FAM107B: variants seen among roughly 807,000 people sequenced by gnomAD.
FAM107B encodes protein FAM107B.
In FAM107B, 21 loss-of-function variants were observed where a neutral mutation model predicts 31.5. That is an observed-to-expected ratio of 0.67 (90% CI 0.47 to 0.96). FAM107B has a LOEUF of 0.96. Ranked by LOEUF, FAM107B falls within the 40% of genes least tolerant of loss-of-function variation. The pLI, the probability that FAM107B is intolerant of heterozygous loss-of-function variation, is 0.00. For synonymous variants in FAM107B, 157 were observed against 141.5 expected (o/e 1.11, Z -0.78); for missense variants, 452 against 377.1 (o/e 1.20, Z -1.64).
At chr10:14,596,182 C>T (rs888977100) in intron 2 of FAM107B, among the ~76,000 whole-genome samples, 6 of 152,204 alleles carry the variant, frequency 3.9e-5, no homozygotes, top group African/African-American at 1.4e-4. Context: ...ATCCCCTTGC[C>T]TCACTCAGAT....
At chr10:14,645,760 C>G (rs560365645) in intron 2 of FAM107B, among the ~76,000 whole-genome samples, 40 of 152,222 alleles carry the variant, frequency 2.6e-4, no homozygotes, top group Non-Finnish European at 1.3e-4. Context: ...TTTACTATTC[C>G]CAGCTCCCAG....
At chr10:14,571,681 C>G (rs962265995) in intron 2 of FAM107B, 4 of 745,086 alleles carry the variant, frequency 5.4e-6, no homozygotes, top group Non-Finnish European at 6.6e-6. Context: ...ATTGTGTTAA[C>G]AAGTCTAAGT....
chr10:14,528,026 A>C, intron 3 of FAM107B: 1 of 394,878 alleles, frequency 2.5e-6, no homozygotes, highest in Non-Finnish European at 4.9e-6. Context: ...TGTATTTCCA[A>C]CCAGACCAAA....
chr10:14,723,382 C>T lies in FAM107B; in HGVS notation c.411+50871G>A, dbSNP rs1347644031. 7.3e-6 allele frequency: 4 copies of T among 549,448 alleles called. No homozygotes were observed. The East Asian group carries it at 1.9e-4, about 26-fold the overall frequency. 34.0% of individuals were successfully genotyped at this position (549,448 alleles called of 1,614,324 possible). On this transcript the variant is annotated intron_variant, in intron 1 of 4. Transcript: ENST00000181796. ...GAGCAGTCGATTTGCCCTGAAATTC[C>T]TCCTTGGTCACAGCCTTTTCAGCAG... is the stretch of plus-strand genomic sequence containing the variant.
intron 1 of FAM107B, among the ~76,000 whole-genome samples, chr10:14,754,531 G>C (rs1289474474): frequency 6.6e-6 from 1 of 152,188 alleles, no homozygotes; most frequent in Non-Finnish European, 1.5e-5. Flanking sequence ...AGCTGAACGA[G>C]GATGTGATGA....
intron 1 of FAM107B, among the ~76,000 whole-genome samples, chr10:14,706,197 T>C (rs1304618164): frequency 6.6e-6 from 1 of 152,196 alleles, no homozygotes; most frequent in Non-Finnish European, 1.5e-5. Context: ...AACCTTTTGA[T>C]ATATACCACC....
At chr10:14,658,954 T>G (rs1854147663) in intron 2 of FAM107B, among the ~76,000 whole-genome samples, 1 of 152,010 alleles carries the variant, frequency 6.6e-6, no homozygotes, top group Non-Finnish European at 1.5e-5. Context: ...AACAAGGAAG[T>G]AAGAGTTGAA....
intron 1 of FAM107B, among the ~76,000 whole-genome samples, chr10:14,751,442 C>T (rs751870166): frequency 2.6e-5 from 4 of 151,774 alleles, no homozygotes; most frequent in Non-Finnish European, 1.5e-5. Flanking sequence ...CTAGGCTGTT[C>T]GAAGCACTGG....
At chr10:14,708,958 T>C (rs1115647) in intron 1 of FAM107B, among the ~76,000 whole-genome samples, 145 of 63,546 alleles carry the variant, frequency 2.3e-3, no homozygotes, top group South Asian at 7.3e-3. Flanking sequence ...ATGCTCAATA[T>C]AGATGTCATT....
At chr10:14,631,344 C>A (rs1853349832) in intron 2 of FAM107B, among the ~76,000 whole-genome samples, 4 of 152,180 alleles carry the variant, frequency 2.6e-5, no homozygotes, top group Non-Finnish European at 4.4e-5. Context: ...CATGTCAGGA[C>A]AAGATTTGTC....
At chr10:14,553,486 C>T in intron 2 of FAM107B, 2 of 607,144 alleles carry the variant, frequency 3.3e-6, no homozygotes, top group Non-Finnish European at 5.2e-6. Flanking sequence ...AACAAAATTC[C>T]ACACCCTTAG....
intron 1 of FAM107B, among the ~76,000 whole-genome samples, chr10:14,741,691 C>T (rs1485941901): frequency 2.0e-5 from 3 of 151,002 alleles, no homozygotes. Flanking sequence ...TTCTTCCTCT[C>T]CTCGACTTTC....
chr10:14,712,602 GACTCCC>G (rs950124451), intron 1 of FAM107B, among the ~76,000 whole-genome samples: 13 of 126,032 alleles, frequency 1.0e-4, no homozygotes, highest in Non-Finnish European at 2.0e-4. Flanking sequence ...CCCCTGCCCT[GACTCCC>G]ACCAAAAAAC....
At chr10:14,627,267 T>G (rs1352759931) in intron 2 of FAM107B, among the ~76,000 whole-genome samples, 2 of 152,230 alleles carry the variant, frequency 1.3e-5, no homozygotes, top group African/African-American at 4.8e-5. Flanking sequence ...CAAAACATAC[T>G]TTCGTCACAG....
In FAM107B at chr10:14,774,746, A is replaced by G. The variant is rs1833384367; in HGVS notation, c.-83T>C. On this transcript the variant is annotated 5_prime_UTR_variant, in exon 1 of 5. Coordinates refer to ENST00000181796, the MANE Select transcript of FAM107B (RefSeq NM_031453.4). ...ACATCACCTCCACTTTGCTTATAGGAACTCTTTCCAATTGCCCGAAGAGAA... is the reference window on the plus strand; with the variant it reads ...ACATCACCTCCACTTTGCTTATAGGGACTCTTTCCAATTGCCCGAAGAGAA... 2.1e-6 allele frequency: 3 copies of G among 1,429,862 alleles called. No homozygotes were observed. Among genetic ancestry groups the G allele is most frequent in the African/African-American group, 1.4e-5 (1 of 70,314 alleles). 88.6% of individuals were successfully genotyped at this position (1,429,862 alleles called of 1,614,324 possible).
intron 1 of FAM107B, among the ~76,000 whole-genome samples, chr10:14,757,390 T>C (rs774632575): frequency 2.5e-4 from 38 of 152,044 alleles, no homozygotes; most frequent in Non-Finnish European, 1.6e-4. Flanking sequence ...CCTGTGAATG[T>C]TGGACTTGCC....
At chr10:14,632,647 G>C (rs1252479669) in intron 2 of FAM107B, among the ~76,000 whole-genome samples, 2 of 151,006 alleles carry the variant, frequency 1.3e-5, no homozygotes, top group South Asian at 2.1e-4. Context: ...AGAAATCTTC[G>C]TCTAAGAATT....
rs187022641 is a variant in FAM107B at position 14,714,064 on chromosome 10, A to T, written c.412-46373T>A. 2.5e-3 allele frequency among the ~76,000 whole-genome samples: 379 copies of T among 152,326 alleles called. 3 individuals are homozygous for T. Among genetic ancestry groups the T allele is most frequent in the African/African-American group, 8.6e-3 (357 of 41,576 alleles). ...GTGGGAGGAAGGTGAGGATAAAAAA[A>T]ACTGCCTATCGGGTACTAGACTTAT... On this transcript the variant is annotated intron_variant, in intron 1 of 4. Transcript: ENST00000181796.
rs1266776050 is a variant in FAM107B, at chr10:14,774,207, C to T, written c.411+46G>A. 1.9e-6 allele frequency: 3 copies of T among 1,559,684 alleles called. No individual in the cohort carries two copies. In the East Asian group the frequency reaches 6.8e-5, roughly 35 times the overall value. ...CATTCGCCACATGATCCCAACGCTC[C>T]TCCAGCTCCATCCCGTCTATAATCG... On this transcript the variant is annotated intron_variant, in intron 1 of 4. Coordinates refer to ENST00000181796, the MANE Select transcript of FAM107B (RefSeq NM_031453.4).
Sources: allele counts gnomAD v4.1 joint callset (sites outside exome capture counted in the v4.1 genomes callset), GRCh38; gene constraint gnomAD v4.1.1; transcripts MANE v1.5; gene names NCBI Gene and HGNC (gene_info 2026-07-23, HGNC 2026-07-21).